Variants in CRTC1 observed in about 807,000 individuals in gnomAD.
CRTC1 encodes the protein CREB regulated transcription coactivator 1.
A neutral mutation model predicts 66.1 loss-of-function variants in CRTC1; 18 were observed. The observed-to-expected ratio is 0.27, with a 90% confidence interval of 0.19 to 0.40. CRTC1 has a LOEUF of 0.40. Ranked by LOEUF, CRTC1 falls within the 10% of genes least tolerant of loss-of-function variation. The pLI is 1.00. For synonymous variants in CRTC1, 416 were observed against 398.8 expected, an observed-to-expected ratio of 1.04 and a Z score of -0.51; for missense variants, 669 against 887.9, an observed-to-expected ratio of 0.75 and a Z score of 3.13.
At chr19:18,730,516 C>T (rs531819122) in intron 1 of CRTC1, among the ~76,000 whole-genome samples, 3 of 152,220 alleles carry the variant, frequency 2.0e-5, no homozygotes, top group Non-Finnish European at 2.9e-5. Flanking sequence ...GGGTGTTCGC[C>T]GCTCCTTGTG....
chr19:18,716,255 CTCTT>C (rs1213596681), intron 1 of CRTC1, among the ~76,000 whole-genome samples: 2 of 150,734 alleles, frequency 1.3e-5, no homozygotes, highest in Admixed American at 1.3e-4. Flanking sequence ...TCCCGAATGA[CTCTT>C]TTTTTTTTTT....
intron 1 of CRTC1, among the ~76,000 whole-genome samples, chr19:18,705,483 A>C (rs1031716697): frequency 1.3e-5 from 2 of 152,020 alleles, no homozygotes; most frequent in African/African-American, 4.8e-5. Flanking sequence ...ACACCTGGCT[A>C]ATCTTTGTGT....
chr19:18,694,940 G>A lies in CRTC1; in HGVS notation c.126+11112G>A, dbSNP rs565846053. ...GGGAGTCTTGCTCCTATAAGATCTT[G>A]GCTCACTGCAACCTCTGCCTCCTGG... On this transcript the variant is annotated intron_variant, in intron 1 of 13. Transcript: ENST00000321949. Among the ~76,000 whole-genome samples, 27 of 150,038 alleles carry A rather than the reference G, an allele frequency of 1.8e-4. No homozygotes were observed. In the East Asian group the frequency reaches 5.1e-3, roughly 28 times the overall value.
chr19:18,752,341 CAG>C (rs2054382962), intron 5 of CRTC1, among the ~76,000 whole-genome samples: 1 of 152,048 alleles, frequency 6.6e-6, no homozygotes, highest in Non-Finnish European at 1.5e-5. Context: ...ATTTTAGAGA[CAG>C]GGTCTTGCTC....
Position 18,747,054 on chromosome 19 carries a change from C to G in CRTC1, c.383C>G (p.Ala128Gly). The G allele has an allele frequency of 7.4e-6, 12 of 1,613,282 alleles. No individual in the cohort carries two copies. The highest frequency in any genetic ancestry group is 1.0e-5 in the Non-Finnish European group (12 of 1,179,714). The change falls in exon 4 of 14, where the codon GCC becomes GGC. Residue 128 changes from alanine to glycine, a missense_variant and splice_region_variant. Physicochemically the swap from Ala to Gly is moderately conservative, Grantham distance 60. This residue lies in a region of CRTC1 where 214 missense variants were observed against 323.4 expected (regional missense o/e 0.66). Coordinates refer to ENST00000321949, the MANE Select transcript of CRTC1 (RefSeq NM_015321.3). Reference protein sequence around the residue: ...PLSVDKHGRQADSCPYGTMYL... With the variant: ...PLSVDKHGRQGDSCPYGTMYL... ...CACTGCCCCCTTAACTCACCTCACG[C>G]CGACAGCTGCCCCTATGGCACCATG...
chr19:18,684,690 G>T (rs974032314), intron 1 of CRTC1, among the ~76,000 whole-genome samples: 1 of 152,172 alleles, frequency 6.6e-6, no homozygotes, highest in African/African-American at 2.4e-5. Context: ...CTCAGGACCA[G>T]GGTGGAGGGC....
chr19:18,718,349 C>G (rs961867008), intron 1 of CRTC1, among the ~76,000 whole-genome samples: 4 of 152,016 alleles, frequency 2.6e-5, no homozygotes, highest in South Asian at 2.1e-4. Flanking sequence ...TTTTGTTGTT[C>G]CTCTTGAGAC....
intron 1 of CRTC1, among the ~76,000 whole-genome samples, chr19:18,714,975 A>G (rs1202277755): frequency 1.3e-5 from 2 of 152,132 alleles, no homozygotes; most frequent in Non-Finnish European, 2.9e-5. Flanking sequence ...AGTTTTTATT[A>G]TTGTCCTGGG....
chr19:18,709,947 C>T (rs1001248263), intron 1 of CRTC1, among the ~76,000 whole-genome samples: 1 of 152,192 alleles, frequency 6.6e-6, no homozygotes, highest in South Asian at 2.1e-4. Flanking sequence ...ATCCTTCCAG[C>T]GGCTTCTCGT....
chr19:18,733,003 T>A (rs908907397), intron 1 of CRTC1, among the ~76,000 whole-genome samples: 1 of 151,596 alleles, frequency 6.6e-6, no homozygotes, highest in Non-Finnish European at 1.5e-5. Context: ...AGGAGGATCA[T>A]TTGAATCCAG....
intron 1 of CRTC1, among the ~76,000 whole-genome samples, chr19:18,735,053 C>A (rs143597158): frequency 3.3e-5 from 5 of 152,242 alleles, no homozygotes; most frequent in Admixed American, 2.6e-4. Flanking sequence ...GTGATGGCGA[C>A]GGGCTTCTGA....
intron 1 of CRTC1, among the ~76,000 whole-genome samples, chr19:18,712,315 G>A (rs2053410046): frequency 6.6e-6 from 1 of 152,118 alleles, no homozygotes; most frequent in Admixed American, 6.6e-5. Flanking sequence ...CTGGAGTTCA[G>A]TGGCATGATG....
chr19:18,694,975 ATTCTCCTGCCTCAGCC>A (rs1227649902), intron 1 of CRTC1, among the ~76,000 whole-genome samples: 1 of 150,896 alleles, frequency 6.6e-6, no homozygotes, highest in Non-Finnish European at 1.5e-5. Context: ...GGTTCAAGTG[ATTCTCCTGCCTCAGCC>A]TCTCAAGTAG....
At chr19:18,726,029 G>A (rs561519926) in intron 1 of CRTC1, among the ~76,000 whole-genome samples, 2 of 152,202 alleles carry the variant, frequency 1.3e-5, no homozygotes, top group South Asian at 2.1e-4. Context: ...CATGTACCGC[G>A]CCCTCGATCT....
chr19:18,703,532 C>T (rs1366236111), intron 1 of CRTC1, among the ~76,000 whole-genome samples: 1 of 152,076 alleles, frequency 6.6e-6, no homozygotes, highest in Non-Finnish European at 1.5e-5. Context: ...GATCTCAGCT[C>T]ACTGCAAGCA....
At chr19:18,776,852 G>T (rs1192641821) in intron 13 of CRTC1, among the ~76,000 whole-genome samples, 1 of 152,190 alleles carries the variant, frequency 6.6e-6, no homozygotes, top group African/African-American at 2.4e-5. Context: ...GAGGGAGCCG[G>T]GGAGGTCCCT....
chr19:18,730,513 C>T (rs1040529104), intron 1 of CRTC1, among the ~76,000 whole-genome samples: 9 of 152,078 alleles, frequency 5.9e-5, no homozygotes, highest in African/African-American at 1.7e-4. Flanking sequence ...GCTGGGTGTT[C>T]GCCGCTCCTT....
intron 1 of CRTC1, among the ~76,000 whole-genome samples, chr19:18,734,178 G>C (rs2053948885): frequency 6.6e-6 from 1 of 152,012 alleles, no homozygotes; most frequent in Non-Finnish European, 1.5e-5. Context: ...CTGGGGGAGG[G>C]GAATGGGGAG....
At position 18,768,427 on chromosome 19, in the gene CRTC1, A is replaced by C; in HGVS notation, c.1012-58A>C. ...GAGCATGCCAGGCTATGGGGGCCCGAGGGGGCCAGGCGCTGACAACCAGGG... is the reference window on the plus strand; with the variant it reads ...GAGCATGCCAGGCTATGGGGGCCCGCGGGGGCCAGGCGCTGACAACCAGGG... On this transcript the variant is annotated intron_variant, in intron 9 of 13. Transcript: ENST00000321949. The surrounding 1 kb of genome is among the most constrained non-coding windows in gnomAD (Gnocchi z 5.6). 3 of 1,477,010 alleles carry C rather than the reference A, an allele frequency of 2.0e-6. No homozygotes were observed. Among genetic ancestry groups the C allele is most frequent in the Non-Finnish European group, 2.8e-6 (3 of 1,076,798 alleles). The allele number at this position is 1,477,010 out of a possible 1,614,324, so 91.5% of individuals were successfully genotyped here. A position where few individuals can be genotyped will look rare whatever the true frequency, so the allele number is the denominator to read the frequency against.
Sources: gnomAD v4.1 joint callset for allele counts (sites outside exome capture counted in the v4.1 genomes callset) on GRCh38, gnomAD v4.1.1 for gene constraint, gnomAD v4.1.1 regional missense constraint, Gnocchi (gnomAD v3.1) non-coding constraint, MANE v1.5 for transcripts, NCBI Gene and HGNC (gene_info 2026-07-23, HGNC 2026-07-21) for gene names.